Variants in ME2 observed in about 807,000 individuals in gnomAD.
ME2 encodes the protein NAD-dependent malic enzyme, mitochondrial.
Under a neutral mutation model 73.7 loss-of-function variants are expected in ME2, and 60 were observed. That is an observed-to-expected ratio of 0.81 (90% CI 0.66 to 1.01). The LOEUF (loss-of-function observed/expected upper bound fraction) is 1.01, where lower values mean the gene tolerates loss of function less well. Among genes scored for constraint, ME2 ranks in the 50% least tolerant of loss-of-function variants. The pLI, the probability that ME2 is intolerant of heterozygous loss-of-function variation, is 0.00. For synonymous variants in ME2, 199 were observed against 236.9 expected (o/e 0.84, Z 1.47); for missense variants, 594 against 705.5 (o/e 0.84, Z 1.79).
At chr18:50,932,538 T>C in intron 13 of ME2, 178 bp downstream of exon 13, 1 of 459,506 alleles carries the variant, frequency 2.2e-6, no homozygotes. Context: ...TCTGAAAATT[T>C]ATTCATATTG....
intron 2 of ME2, among the ~76,000 whole-genome samples, chr18:50,896,297 A>G (rs1324576881): frequency 1.3e-5 from 2 of 152,194 alleles, no homozygotes. Context: ...AGGCCCTTGG[A>G]AAGTAGGGTC....
At position 50,895,840 on chromosome 18, in the gene ME2, T is replaced by C. The variant is rs150141071; in HGVS notation, c.20T>C (p.Val7Ala). The C allele has an allele frequency of 5.0e-6, 8 of 1,612,634 alleles. No homozygotes were observed. The highest frequency in any genetic ancestry group is 1.3e-5 in the African/African-American group (1 of 74,838). The change falls in exon 2 of 16, where the codon GTA (valine) becomes GCA (alanine). Residue 7 changes from valine to alanine, a missense_variant. Transcript: ENST00000321341. ...GAAAAGATGTTGTCCCGGTTAAGAG[T>C]AGTTTCCACCACTTGTACTTTGGCA... MLSRLR[V>A]VSTTCTLACR...
intron 2 of ME2, among the ~76,000 whole-genome samples, chr18:50,904,990 T>A (rs898118709): frequency 2.6e-5 from 4 of 151,992 alleles, no homozygotes; most frequent in African/African-American, 7.2e-5. Context: ...TCTGAGATTC[T>A]GTTCATCTTT....
At chr18:50,918,675 C>T (rs1164027258) in intron 7 of ME2, among the ~76,000 whole-genome samples, 1 of 151,560 alleles carries the variant, frequency 6.6e-6, no homozygotes, top group African/African-American at 2.4e-5. Flanking sequence ...CAGCTTCCTC[C>T]TAACTTGGTC....
intron 1 of ME2, among the ~76,000 whole-genome samples, chr18:50,886,178 G>A (rs1251246136): frequency 1.5e-5 from 2 of 133,104 alleles, no homozygotes; most frequent in African/African-American, 5.3e-5. Flanking sequence ...AAAAAAAAAG[G>A]AAAACTTGGG....
At chr18:50,913,860 T>TATACATACAC (rs112137080) in intron 4 of ME2, among the ~76,000 whole-genome samples, 106 of 143,282 alleles carry the variant, frequency 7.4e-4, no homozygotes, top group African/African-American at 2.6e-3. Flanking sequence ...AGCAATATTA[T>TATACATACAC]ACACACACAC....
intron 3 of ME2, 85 bp from the exon 4 acceptor site, chr18:50,912,716 A>T: frequency 8.9e-7 from 1 of 1,120,568 alleles, no homozygotes; most frequent in Non-Finnish European, 1.2e-6. Context: ...TTTCAATTTT[A>T]GACATTTAGG....
At chr18:50,913,687 CATT>C (rs1917212338) in intron 4 of ME2, among the ~76,000 whole-genome samples, 2 of 151,884 alleles carry the variant, frequency 1.3e-5, no homozygotes. Context: ...CACCTACAAA[CATT>C]ATAAGTGGGA....
intron 13 of ME2, chr18:50,935,729 G>A: frequency 7.2e-6 from 1 of 139,636 alleles, no homozygotes; most frequent in Admixed American, 7.8e-5. Flanking sequence ...TCCAGCCTGG[G>A]TGACAGAGCA....
At chr18:50,906,715 C>G (rs762895361) in intron 2 of ME2, among the ~76,000 whole-genome samples, 14 of 152,194 alleles carry the variant, frequency 9.2e-5, no homozygotes, top group Non-Finnish European at 2.1e-4. Context: ...GACTTAAATG[C>G]TTGGAACTAG....
chr18:50,893,921 A>T (rs578178938), intron 1 of ME2, among the ~76,000 whole-genome samples: 1 of 152,336 alleles, frequency 6.6e-6, no homozygotes, highest in South Asian at 2.1e-4. Flanking sequence ...AAGAACAGGA[A>T]ACCTTTTAAA....
At chr18:50,937,760 A>G (rs1917850857) in intron 13 of ME2, among the ~76,000 whole-genome samples, 1 of 152,180 alleles carries the variant, frequency 6.6e-6, no homozygotes. Context: ...AGATGAGTTA[A>G]GTCACCTAAA....
intron 12 of ME2, among the ~76,000 whole-genome samples, chr18:50,926,813 T>G (rs1387150199): frequency 3.3e-5 from 5 of 152,236 alleles, no homozygotes; most frequent in Non-Finnish European, 7.3e-5. Flanking sequence ...CTGTATTTTT[T>G]CATTTGTAGA....
intron 1 of ME2, among the ~76,000 whole-genome samples, chr18:50,892,337 T>C (rs1599087825): frequency 6.6e-6 from 1 of 152,318 alleles, no homozygotes; most frequent in East Asian, 1.9e-4. Flanking sequence ...ATTGTGCCAC[T>C]GCACTCTAGC....
intron 4 of ME2, 97 bp from the exon 5 acceptor site, chr18:50,916,071 T>C: frequency 1.2e-6 from 1 of 847,196 alleles, no homozygotes; most frequent in South Asian, 1.7e-5. Flanking sequence ...ATACCATGTC[T>C]TGATATTTTA....
intron 1 of ME2, among the ~76,000 whole-genome samples, chr18:50,886,739 A>G (rs1391295915): frequency 2.6e-5 from 4 of 152,158 alleles, no homozygotes; most frequent in Non-Finnish European, 5.9e-5. Flanking sequence ...AGTGGCTCAC[A>G]CCTGTAATCT....
intron 4 of ME2, 127 bp downstream of exon 4, chr18:50,913,077 A>G (rs1917196853): frequency 1.3e-6 from 1 of 777,406 alleles, no homozygotes; most frequent in Non-Finnish European, 1.9e-6. Flanking sequence ...AGAAAAACGT[A>G]ATTTTGATTA....
intron 1 of ME2, among the ~76,000 whole-genome samples, chr18:50,888,373 G>A (rs867674790): frequency 6.7e-5 from 10 of 149,242 alleles, no homozygotes; most frequent in South Asian, 2.1e-4. Flanking sequence ...GAAAATATAC[G>A]AAATGAAATT....
intron 1 of ME2, among the ~76,000 whole-genome samples, chr18:50,882,239 C>T (rs534989128): frequency 2.6e-5 from 4 of 152,194 alleles, no homozygotes; most frequent in African/African-American, 9.6e-5. Context: ...GCTCAAGCAA[C>T]CCACCCACCT....
Sources: gnomAD v4.1 joint callset for allele counts (sites outside exome capture counted in the v4.1 genomes callset) on GRCh38, gnomAD v4.1.1 for gene constraint, MANE v1.5 for transcripts, NCBI Gene and HGNC (gene_info 2026-07-23, HGNC 2026-07-21) for gene names.